Variants in A2ML1 observed in about 807,000 individuals in gnomAD.
A2ML1 encodes alpha-2-macroglobulin-like protein 1.
In A2ML1, 161 loss-of-function variants were observed where a neutral mutation model predicts 181.9. The ratio of observed to expected loss-of-function variants is 0.89; its 90% CI spans 0.78 to 1.01. A2ML1 has a LOEUF of 1.01. A2ML1 is among the 50% of genes least tolerant of loss of function. A2ML1 has a pLI of 0.00. For synonymous variants in A2ML1, 663 were observed against 666.8 expected (o/e 0.99, Z 0.09); for missense variants, 1,670 against 1,768.1 (o/e 0.94, Z 1.00).
rs184447114 is a variant in A2ML1, at chr12:8,884,815, C to T, written c.*95-1692C>T. Among the ~76,000 whole-genome samples, 4 of 152,326 alleles carry T rather than the reference C, an allele frequency of 2.6e-5. No individual in the cohort carries two copies. The South Asian group carries it at 8.3e-4, about 32-fold the overall frequency. The stretch of plus-strand genomic sequence containing the variant: ...TGCATTAGTTTGCTGAGTATAATGG[C>T]CTCCAGCTTCATCCATGTTCCCATG... On this transcript the variant is annotated intron_variant and NMD_transcript_variant, in intron 7 of 7. Coordinates refer to the A2ML1 transcript ENST00000537475.
At chr12:8,865,333 A>C (rs1944389523) in intron 29 of A2ML1, among the ~76,000 whole-genome samples, 1 of 151,000 alleles carries the variant, frequency 6.6e-6, no homozygotes, top group South Asian at 2.1e-4. Flanking sequence ...TGAGGTCGGG[A>C]GTTCGAGACC....
intron 15 of A2ML1, among the ~76,000 whole-genome samples, chr12:8,848,018 G>A (rs1483362007): frequency 6.9e-6 from 1 of 144,696 alleles, no homozygotes; most frequent in Non-Finnish European, 1.5e-5. Flanking sequence ...CTGGGCATGG[G>A]CCCATGCCTG....
At chr12:8,853,022 TC>T (rs1391097143) in intron 20 of A2ML1, among the ~76,000 whole-genome samples, 4 of 152,008 alleles carry the variant, frequency 2.6e-5, no homozygotes, top group African/African-American at 9.7e-5. Context: ...AGAGACAAGA[TC>T]TTACTCTGTC....
chr12:8,841,556 C>A lies in A2ML1; in HGVS notation c.1248+20C>A. 1 of 1,590,638 alleles carries A rather than the reference C, an allele frequency of 6.3e-7. No homozygotes were observed. On this transcript the variant is annotated intron_variant, in intron 11 of 35. Transcript: ENST00000299698. ...CTGGAGGTAAGCATGGACGGAGGAC[C>A]AGCTTCCTAGAAAGGAAGGCTTCCC... is the stretch of plus-strand genomic sequence containing the variant.
chr12:8,843,396 C>A (rs1327365793), intron 12 of A2ML1, 35 bp downstream of exon 12: 1 of 1,595,016 alleles, frequency 6.3e-7, no homozygotes, highest in Non-Finnish European at 8.6e-7. Flanking sequence ...TGAGAGTATG[C>A]TGGGAAGGAA....
At chr12:8,843,749 C>T (rs1453411925) in intron 12 of A2ML1, among the ~76,000 whole-genome samples, 20 of 142,568 alleles carry the variant, frequency 1.4e-4, no homozygotes, top group African/African-American at 4.6e-4. Flanking sequence ...GACACAGTCT[C>T]GCTCAGTTGC....
rs754865808 is a variant in A2ML1, at chr12:8,845,509, G to A, written c.1537+7G>A. Reference sequence around the variant, plus strand: ...CTGAACTCTAAGAAGAAAGGTGAGTGTACATGCTTTTCCCGGAAGCAAACA... The same window carrying A: ...CTGAACTCTAAGAAGAAAGGTGAGTATACATGCTTTTCCCGGAAGCAAACA... On this transcript the variant is annotated splice_region_variant and intron_variant, in intron 13 of 35. Transcript: ENST00000299698. The A allele has an allele frequency of 2.5e-6, 4 of 1,614,006 alleles. No homozygotes were observed. In the Admixed American group the frequency reaches 6.7e-5, roughly 27 times the overall value.
intron 29 of A2ML1, among the ~76,000 whole-genome samples, chr12:8,865,786 A>T (rs1019721093): frequency 2.0e-5 from 3 of 152,234 alleles, no homozygotes; most frequent in Non-Finnish European, 4.4e-5. Context: ...ATTATTTTAG[A>T]TTATAATGAA....
chr12:8,843,728 T>C (rs1943569797), intron 12 of A2ML1, among the ~76,000 whole-genome samples: 1 of 150,362 alleles, frequency 6.7e-6, no homozygotes, highest in Non-Finnish European at 1.5e-5. Context: ...TTTCTTTTTT[T>C]TTTTTTTTGA....
intron 5 of A2ML1, 40 bp downstream of exon 5, chr12:8,834,722 A>T: frequency 1.9e-6 from 3 of 1,613,032 alleles, no homozygotes; most frequent in Non-Finnish European, 2.5e-6. Flanking sequence ...CAGTTGTGGA[A>T]GAGGAAGAAT....
At position 8,857,403 on chromosome 12, in the gene A2ML1, T is replaced by TAA. The variant is rs3079157; in HGVS notation, c.3025+63_3025+64insAA. 672,130 of 1,607,006 alleles carry TAA rather than the reference T, an allele frequency of 0.42. 145,690 individuals carry two copies. Among genetic ancestry groups the TAA allele is most frequent in the African/African-American group, 0.46 (34,275 of 74,480 alleles). ...TCCACTAGGCCCTATGACAGATTGA[T>TAA]GATACAGGGAATTCCAGCCCCTCAA... On this transcript the variant is annotated intron_variant, in intron 24 of 35. Transcript: ENST00000299698.
intron 3 of A2ML1, among the ~76,000 whole-genome samples, chr12:8,827,874 CT>C (rs1942981454): frequency 6.6e-6 from 1 of 152,162 alleles, no homozygotes; most frequent in South Asian, 2.1e-4. Context: ...GAGGTACCTC[CT>C]TGATGGTCTT....
At chr12:8,849,596 G>A in intron 16 of A2ML1, 73 bp from the exon 17 acceptor site, 1 of 1,188,898 alleles carries the variant, frequency 8.4e-7, no homozygotes. Flanking sequence ...CTTTGATGGT[G>A]GAATTCCTGG....
At chr12:8,842,555 C>A (rs766067032) in intron 11 of A2ML1, among the ~76,000 whole-genome samples, 1 of 152,066 alleles carries the variant, frequency 6.6e-6, no homozygotes, top group Non-Finnish European at 1.5e-5. Flanking sequence ...CCCAACAAAT[C>A]GAACAGTGGG....
At position 8,867,948 on chromosome 12, in the gene A2ML1, C is replaced by T. The variant is rs368114048; in HGVS notation, c.3824C>T (p.Thr1275Ile). 2.8e-5 allele frequency: 46 copies of T among 1,614,100 alleles called. No individual in the cohort carries two copies. The African/African-American group carries it at 5.3e-4, about 19-fold the overall frequency. Residue 1275 changes from threonine (T) to isoleucine (I), a missense_variant, in exon 30 of 36, where the codon ACA (threonine) becomes ATA (isoleucine). Transcript: ENST00000299698. ...VVKSTENFQR[T>I]FNIQSVNRLV... is the part of the protein sequence containing the mutation. ...AAATCCACTGAGAATTTCCAGCGCA[C>T]ATTCAACATACAGTCAGTTAACAGA...
In A2ML1 at chr12:8,852,337, G is replaced by A. The variant is rs1189635016; in HGVS notation, c.2590+1G>A. 14 of 1,613,906 alleles carry A rather than the reference G, an allele frequency of 8.7e-6. No homozygotes were observed. The highest frequency in any genetic ancestry group is 1.2e-5 in the Non-Finnish European group (14 of 1,179,936). ...TGGAACATCACAGCTGTCAAATTGG[G>A]TAAGAGAGGGAAGTGGTAGACGGGC... On this transcript the variant is annotated splice_donor_variant, in intron 20 of 35. Coordinates refer to ENST00000299698, the MANE Select transcript of A2ML1 (RefSeq NM_144670.6). LOFTEE classifies it high-confidence loss of function. This position sits in a 1 kb window ranked among gnomAD's most constrained non-coding sequence, Gnocchi z 4.2.
chr12:8,884,235 T>G (rs1276292656), intron 7 of A2ML1, among the ~76,000 whole-genome samples: 7 of 144,576 alleles, frequency 4.8e-5, no homozygotes. Context: ...TTTTTTGTTT[T>G]TTTTTGTTTT....
intron 5 of A2ML1, 138 bp downstream of exon 5, chr12:8,834,820 C>A: frequency 1.0e-6 from 1 of 1,003,032 alleles, no homozygotes; most frequent in Non-Finnish European, 1.5e-6. Context: ...CGAGCGCCCA[C>A]ATCCACCTAA....
intron 1 of A2ML1, 140 bp from the exon 2 acceptor site, chr12:8,823,042 T>C (rs1364735091): frequency 2.3e-6 from 2 of 862,552 alleles, no homozygotes; most frequent in African/African-American, 1.7e-5. Flanking sequence ...CCTCTGCTTC[T>C]TGTAGAAAAT....
Sources: allele counts gnomAD v4.1 joint callset (sites outside exome capture counted in the v4.1 genomes callset), GRCh38; gene constraint gnomAD v4.1.1; non-coding constraint Gnocchi (gnomAD v3.1); transcripts MANE v1.5; gene names NCBI Gene and HGNC (gene_info 2026-07-23, HGNC 2026-07-21).